The following ACLY variants were observed in gnomAD, a reference collection of about 807,000 sequenced individuals.
ACLY encodes ATP-citrate synthase.
A neutral mutation model predicts 133.0 loss-of-function variants in ACLY; 41 were observed. That is an observed-to-expected ratio of 0.31 (90% CI 0.24 to 0.40). The LOEUF (loss-of-function observed/expected upper bound fraction) is 0.40. Ranked by LOEUF, ACLY falls within the 10% of genes least tolerant of loss-of-function variation. The pLI is 1.00. For synonymous variants in ACLY, 495 were observed against 549.3 expected, an observed-to-expected ratio of 0.90 and a Z score of 1.38; for missense variants, 1,046 against 1,453.8, an observed-to-expected ratio of 0.72 and a Z score of 4.56.
upstream of ACLY, among the ~76,000 whole-genome samples, chr17:41,921,457 G>A (rs1285576578): frequency 1.2e-4 from 16 of 138,978 alleles, no homozygotes; most frequent in Non-Finnish European, 6.1e-5. Flanking sequence ...CAGCCTGGGC[G>A]ACAGGGTGTG....
In ACLY at chr17:41,906,285, A is replaced by T. The variant is rs115814604; in HGVS notation, c.866+243T>A. On this transcript the variant is annotated intron_variant, in intron 8 of 28. Coordinates refer to ENST00000352035, the MANE Select transcript of ACLY (RefSeq NM_001096.3). ...CATTTTCTGTACCTTTGTATGGAGC[A>T]CGTAATTTTCAGAATTAAAACTCAT... Among the ~76,000 whole-genome samples the T allele has an allele frequency of 3.4e-3, 523 of 152,338 alleles. 6 individuals carry two copies. The highest frequency in any genetic ancestry group is 0.012 in the African/African-American group (504 of 41,568).
intron 1 of ACLY, among the ~76,000 whole-genome samples, chr17:41,924,364 G>T (rs1438120190): frequency 1.3e-5 from 2 of 150,664 alleles, no homozygotes; most frequent in African/African-American, 4.9e-5. Context: ...AGCCAGGATG[G>T]TCTCAATCTC....
At chr17:41,875,473 G>A (rs185282939) in intron 22 of ACLY, among the ~76,000 whole-genome samples, 2,154 of 149,076 alleles carry the variant, frequency 0.014, 26 homozygotes, top group Non-Finnish European at 0.022. Flanking sequence ...CTCTCCCCAC[G>A]GTCTCCCTCT....
At position 41,882,367 on chromosome 17, in the gene ACLY, C is replaced by CAAAAA. The variant is rs34078258; in HGVS notation, c.2265+750_2265+754dup. Reference sequence around the variant, plus strand: ...GGGCGACAGAGTGAGACCCTGTCTCCAAAAAAAAAAAAAAAAAAAAAAAAA... The same window carrying CAAAAA: ...GGGCGACAGAGTGAGACCCTGTCTCCAAAAAAAAAAAAAAAAAAAAAAAAAAAAAA... On this transcript the variant is annotated intron_variant, in intron 20 of 28. Transcript: ENST00000352035. Among the ~76,000 whole-genome samples the CAAAAA allele has an allele frequency of 1.3e-3, 53 of 40,248 alleles. 12 individuals carry two copies. Among genetic ancestry groups the CAAAAA allele is most frequent in the South Asian group, 3.7e-3 (2 of 534 alleles). The allele number at this position is 40,248 out of a possible 152,430, so 26.4% of individuals were successfully genotyped here. A position where few individuals can be genotyped will look rare whatever the true frequency, so the allele number is the denominator to read the frequency against.
At chr17:41,919,083 C>G, upstream of ACLY, 1 of 1,219,058 alleles carries the variant, frequency 8.2e-7, no homozygotes, top group Admixed American at 3.2e-5. Flanking sequence ...AGGGCTCCTC[C>G]CAATTCGCTG....
chr17:41,923,232 C>T (rs1387828489), upstream of ACLY, among the ~76,000 whole-genome samples: 1 of 152,198 alleles, frequency 6.6e-6, no homozygotes, highest in Non-Finnish European at 1.5e-5. Context: ...AATCACCTCC[C>T]TCCTCTTCTA....
At chr17:41,912,393 G>A (rs147768074) in intron 3 of ACLY, 27 bp downstream of exon 3, 42 of 1,611,718 alleles carry the variant, frequency 2.6e-5, no homozygotes, top group African/African-American at 5.3e-5. Context: ...TACCACACAC[G>A]TTCATCCTGA....
chr17:41,886,089 T>G, intron 18 of ACLY, 23 bp downstream of exon 18: 1 of 1,601,518 alleles, frequency 6.2e-7, no homozygotes, highest in Non-Finnish European at 8.5e-7. Context: ...AGGAAGCCCC[T>G]CCTTGGCTTC....
In ACLY at chr17:41,884,245, A is replaced by G. The variant is rs2048993356; in HGVS notation, c.2102T>C (p.Val701Ala). The stretch of plus-strand genomic sequence containing the variant: ...TCCTGGAGTGTCCTGATAGCGTAAC[A>G]CATGATCCATGAATGTGGAGCCCGG... Reference protein sequence around the residue: ...RYPGSTFMDHVLRYQDTPGVK... With the variant: ...RYPGSTFMDHALRYQDTPGVK... The change falls in exon 19 of 29, where the codon GTG becomes GCG. Residue 701 changes from valine (V) to alanine (A), a missense_variant. Around this residue, in one of 4 missense-constraint regions of ACLY, gnomAD observed 575 missense variants for 804.2 expected, o/e 0.71. Transcript: ENST00000352035. 6.2e-7 allele frequency: 1 copy of G among 1,612,812 alleles called. No individual in the cohort carries two copies. Among genetic ancestry groups the G allele is most frequent in the African/African-American group, 1.3e-5 (1 of 74,992 alleles).
At chr17:41,928,847 C>T (rs1425196842) in intron 1 of ACLY, among the ~76,000 whole-genome samples, 1 of 103,896 alleles carries the variant, frequency 9.6e-6, no homozygotes, top group African/African-American at 3.1e-5. Flanking sequence ...AGTGAGACTC[C>T]ACCATAAAAA....
rs782263566 is a variant in ACLY at position 41,883,147 on chromosome 17, G to A, written c.2240C>T (p.Thr747Met). The change falls in exon 20 of 29, where the codon ACG (threonine) becomes ATG (methionine). Residue 747 changes from threonine (T) to methionine (M), a missense_variant. Physicochemically the swap from Thr to Met is moderately conservative, Grantham distance 81. Coordinates refer to ENST00000352035, the MANE Select transcript of ACLY (RefSeq NM_001096.3). ...CTCAGAGGAGAACATGGTGGCACAC[G>A]TCCCGATGCACCAGCAGACGATGGG... is the stretch of plus-strand genomic sequence containing the variant. ...TKPIVCWCIG[T>M]CATMFSSEVQ... 1.3e-5 allele frequency: 21 copies of A among 1,613,940 alleles called. No homozygotes were observed. The highest frequency in any genetic ancestry group is 1.2e-4 in the South Asian group (11 of 91,074).
chr17:41,908,624 C>G (rs1438332408), intron 6 of ACLY, among the ~76,000 whole-genome samples: 1 of 152,138 alleles, frequency 6.6e-6, no homozygotes, highest in Non-Finnish European at 1.5e-5. Context: ...ATTAGCCTGG[C>G]GTGGTGGCGG....
intron 16 of ACLY, among the ~76,000 whole-genome samples, chr17:41,889,953 G>A (rs1048005398): frequency 6.6e-6 from 1 of 152,294 alleles, no homozygotes; most frequent in East Asian, 1.9e-4. Context: ...GATTCCAGAT[G>A]TGAGTCACCG....
At chr17:41,884,318 C>A (rs782688433) in intron 18 of ACLY, 44 bp from the exon 19 acceptor site, 2 of 1,334,456 alleles carry the variant, frequency 1.5e-6, no homozygotes, top group Non-Finnish European at 2.2e-6. Context: ...CAGGAGGAGG[C>A]CTGGGGAAGT....
At chr17:41,890,196 G>C (rs566616365) in intron 16 of ACLY, among the ~76,000 whole-genome samples, 14 of 152,174 alleles carry the variant, frequency 9.2e-5, no homozygotes, top group Non-Finnish European at 1.9e-4. Flanking sequence ...ATCTAGAAAA[G>C]GGGGTAGATA....
Position 41,900,069 on chromosome 17 carries a change from C to CAAAAAAAAAAAAAAAAAAAAA in ACLY, c.1184-1305_1184-1285dup, listed in dbSNP as rs60296550. On this transcript the variant is annotated intron_variant, in intron 11 of 28. Coordinates refer to ENST00000352035, the MANE Select transcript of ACLY (RefSeq NM_001096.3). ...GGGTGACAGAGTGAGACCCTGTCTC[C>CAAAAAAAAAAAAAAAAAAAAA]AAAAAAAAAAAAAAAAAAAAAAAAA... Among the ~76,000 whole-genome samples, 94 of 46,632 alleles carry CAAAAAAAAAAAAAAAAAAAAA rather than the reference C, an allele frequency of 2.0e-3. 8 individuals carry two copies. The highest frequency in any genetic ancestry group is 3.4e-3 in the Non-Finnish European group (80 of 23,822). 30.6% of individuals were successfully genotyped at this position (46,632 alleles called of 152,430 possible). A position where few individuals can be genotyped will look rare whatever the true frequency, so the allele number is the denominator to read the frequency against.
At position 41,897,668 on chromosome 17, in the gene ACLY, G is replaced by A. The variant is rs1290459721; in HGVS notation, c.1429+81C>T. 2.2e-6 allele frequency: 3 copies of A among 1,359,150 alleles called. No individual in the cohort carries two copies. The East Asian group carries it at 7.6e-5, about 34-fold the overall frequency. The allele number at this position is 1,359,150 out of a possible 1,614,324, so 84.2% of individuals were successfully genotyped here. A position where few individuals can be genotyped will look rare whatever the true frequency, so the allele number is the denominator to read the frequency against. ...GTTCATCTGCCTCTGCCAGCCCAGG[G>A]GGGAAAGGGAAAGGGGAGAGAGATA... On this transcript the variant is annotated intron_variant, in intron 13 of 28. Transcript: ENST00000352035.
At chr17:41,879,645 C>A (rs1409499116) in intron 20 of ACLY, among the ~76,000 whole-genome samples, 2 of 15,290 alleles carry the variant, frequency 1.3e-4, no homozygotes, top group Non-Finnish European at 2.3e-4. Context: ...AAGACTCCGT[C>A]TCAAAAAAAA....
At chr17:41,881,233 T>A (rs558144105) in intron 20 of ACLY, among the ~76,000 whole-genome samples, 1 of 151,860 alleles carries the variant, frequency 6.6e-6, no homozygotes, top group East Asian at 1.9e-4. Flanking sequence ...ACTTCGAGAC[T>A]AGCCTGGCCA....
Sources: gnomAD v4.1 joint callset for allele counts (sites outside exome capture counted in the v4.1 genomes callset) on GRCh38, gnomAD v4.1.1 for gene constraint, gnomAD v4.1.1 regional missense constraint, MANE v1.5 for transcripts, NCBI Gene and HGNC (gene_info 2026-07-23, HGNC 2026-07-21) for gene names.